TMEM273: variants seen among roughly 807,000 people sequenced by gnomAD.
The protein encoded by TMEM273 is chromosome 10 open reading frame 128.
A neutral mutation model predicts 17.9 loss-of-function variants in TMEM273; 19 were observed. That is an observed-to-expected ratio of 1.06 (90% CI 0.74 to 1.55). The LOEUF (loss-of-function observed/expected upper bound fraction) is 1.55. Ranked by LOEUF, TMEM273 falls within the 40% of genes most tolerant of loss-of-function variation. TMEM273 has a pLI of 0.00. For synonymous variants in TMEM273, 66 were observed against 62.0 expected (o/e 1.07, Z -0.31); for missense variants, 194 against 155.6 (o/e 1.25, Z -1.31).
chr10:49,159,408 T>A lies in TMEM273; in HGVS notation c.372+2191A>T, dbSNP rs1367946161. 2.0e-5 allele frequency among the ~76,000 whole-genome samples: 3 copies of A among 152,190 alleles called. No homozygotes were observed. The East Asian group carries it at 5.8e-4, about 29-fold the overall frequency. ...TTTACTGAGTGGGTCTATAGCTGCA[T>A]AGTGCTCTAATTTCTGGAGGCATTT... is the stretch of plus-strand genomic sequence containing the variant. On this transcript the variant is annotated intron_variant, in intron 6 of 6. Coordinates refer to ENST00000374153, the MANE Select transcript of TMEM273 (RefSeq NM_001288740.3).
chr10:49,182,330 T>C (rs573792972), intron 1 of TMEM273, among the ~76,000 whole-genome samples: 2 of 152,182 alleles, frequency 1.3e-5, no homozygotes, highest in South Asian at 2.1e-4. Context: ...AATAAAGTGA[T>C]GACTTTGACT....
chr10:49,161,867 C>T (rs1167942236), intron 5 of TMEM273, among the ~76,000 whole-genome samples: 2 of 152,142 alleles, frequency 1.3e-5, no homozygotes, highest in Admixed American at 1.3e-4. Context: ...CAGCTCCCTG[C>T]ACGTGGTGAG....
At chr10:49,166,165 G>A (rs530237959) in intron 3 of TMEM273, among the ~76,000 whole-genome samples, 11 of 152,140 alleles carry the variant, frequency 7.2e-5, no homozygotes, top group Non-Finnish European at 1.3e-4. Flanking sequence ...AGCACCCCAT[G>A]GAAAACTGCA....
chr10:49,166,876 G>T lies in TMEM273; in HGVS notation c.231C>A (p.Gly77=). 6.2e-7 allele frequency: 1 copy of T among 1,613,688 alleles called. No homozygotes were observed. ...GAGCACCACATCCCTCACCACTGAG[G>T]CCCCCAGGCGTGCTTTTCAGGTCGG... is the stretch of plus-strand genomic sequence containing the variant. ...DSSDLKSTPG[G]LSDTIPLKKR... is the part of the protein sequence containing the mutation. Residue 77 remains glycine (G), a synonymous_variant, in exon 3 of 7, where the codon GGC becomes GGA. Transcript: ENST00000374153.
intron 1 of TMEM273, among the ~76,000 whole-genome samples, chr10:49,172,050 G>A (rs1245282717): frequency 2.6e-5 from 4 of 152,226 alleles, no homozygotes; most frequent in Non-Finnish European, 4.4e-5. Context: ...TGCCCTAAGT[G>A]TTTGTCAATG....
intron 1 of TMEM273, among the ~76,000 whole-genome samples, chr10:49,175,746 C>T (rs984826741): frequency 6.6e-6 from 1 of 152,198 alleles, no homozygotes; most frequent in Non-Finnish European, 1.5e-5. Flanking sequence ...TCCATTCTGA[C>T]CAGGAGTGGT....
intron 5 of TMEM273, among the ~76,000 whole-genome samples, chr10:49,163,132 C>T (rs75939957): frequency 0.029 from 4,377 of 151,330 alleles, 214 homozygotes; most frequent in African/African-American, 0.098. Context: ...CCTCTTAGGG[C>T]GGGGGGAAGG....
At position 49,165,419 on chromosome 10, in the gene TMEM273, A is replaced by G; in HGVS notation, c.270-136T>C. ...CAGGGAAGCCCAGAAACCTGGGACA[A>G]ACCACGTGTGACCTCCCAAGTGACA... On this transcript the variant is annotated intron_variant, in intron 4 of 6. Transcript: ENST00000374153. 3 of 1,509,314 alleles carry G rather than the reference A, an allele frequency of 2.0e-6. No homozygotes were observed. The South Asian group carries it at 4.0e-5, about 20-fold the overall frequency. The allele number at this position is 1,509,314 out of a possible 1,614,324, so 93.5% of individuals were successfully genotyped here.
chr10:49,161,477 G>A, intron 6 of TMEM273, 122 bp downstream of exon 6: 1 of 1,269,388 alleles, frequency 7.9e-7, no homozygotes, highest in Non-Finnish European at 1.1e-6. Context: ...TCCTGGCCAT[G>A]CCATGGTTGC....
chr10:49,167,700 C>A, intron 2 of TMEM273, among the ~76,000 whole-genome samples: 1 of 152,342 alleles, frequency 6.6e-6, no homozygotes, highest in African/African-American at 2.4e-5. Context: ...TGAGGTATCA[C>A]GTCCCCTGTG....
chr10:49,161,511 G>A (rs1845838947), intron 6 of TMEM273, 88 bp downstream of exon 6: 1 of 1,567,082 alleles, frequency 6.4e-7, no homozygotes, highest in Admixed American at 1.7e-5. Context: ...CCAGGGGAGG[G>A]AGAGGTCATG....
chr10:49,188,086 T>G (rs1486781689), intron 1 of TMEM273, among the ~76,000 whole-genome samples: 1 of 152,230 alleles, frequency 6.6e-6, no homozygotes, highest in Non-Finnish European at 1.5e-5. Context: ...ACCCTTCCTA[T>G]TCTCCTTTAG....
chr10:49,187,475 G>A (rs1364698870), intron 1 of TMEM273, among the ~76,000 whole-genome samples: 1 of 152,194 alleles, frequency 6.6e-6, no homozygotes, highest in East Asian at 1.9e-4. Context: ...GCAAGTTCTG[G>A]GAAGGAACGT....
rs768602432 is a variant in TMEM273 at position 49,182,580 on chromosome 10, C to G, written c.43+5714G>C. 4.2e-4 allele frequency among the ~76,000 whole-genome samples: 64 copies of G among 152,068 alleles called. No homozygotes were observed. The Middle Eastern group carries it at 0.014, about 32-fold the overall frequency. On this transcript the variant is annotated intron_variant, in intron 1 of 6. Transcript: ENST00000374153. ...CAGAATTAAAACTGAGATAGATGGCCGACATTTTGGATGGAATTAGAGTCC... is the reference window on the plus strand; with the variant it reads ...CAGAATTAAAACTGAGATAGATGGCGGACATTTTGGATGGAATTAGAGTCC...
At chr10:49,157,204 G>T (rs1241339577) in intron 6 of TMEM273, among the ~76,000 whole-genome samples, 1 of 152,240 alleles carries the variant, frequency 6.6e-6, no homozygotes, top group East Asian at 1.9e-4. Context: ...AGCAGAAGAA[G>T]GGGCACTGCT....
At position 49,166,912 on chromosome 10, in the gene TMEM273, G is replaced by T. The variant is rs369394561; in HGVS notation, c.195C>A (p.Asp65Glu). 6.2e-7 allele frequency: 1 copy of T among 1,614,032 alleles called. No individual in the cohort carries two copies. Among genetic ancestry groups the T allele is most frequent in the South Asian group, 1.1e-5 (1 of 91,072 alleles). ...TGCTTTTCAGGTCGGAAGAGTCGTC[G>T]TCAAATAAGTGCCTCCTGATCATGC... ...KICMIRRHLF[D>E]DDSSDLKSTP... Residue 65 changes from aspartate to glutamate, a missense_variant, in exon 3 of 7, where the codon GAC becomes GAA. By Grantham distance (45) the Asp-to-Glu change is conservative. Coordinates refer to ENST00000374153, the MANE Select transcript of TMEM273 (RefSeq NM_001288740.3).
intron 6 of TMEM273, among the ~76,000 whole-genome samples, chr10:49,156,481 G>C (rs146208946): frequency 4.1e-4 from 62 of 152,338 alleles, no homozygotes; most frequent in African/African-American, 1.3e-3. Flanking sequence ...ACTGAAAGTA[G>C]GATGCAGACC....
intron 6 of TMEM273, among the ~76,000 whole-genome samples, chr10:49,156,592 G>A (rs1845525238): frequency 6.6e-6 from 1 of 152,174 alleles, no homozygotes; most frequent in South Asian, 2.1e-4. Flanking sequence ...TGGTATATAT[G>A]CTTACATTGA....
intron 1 of TMEM273, among the ~76,000 whole-genome samples, chr10:49,175,709 AG>A (rs977622960): frequency 2.0e-5 from 3 of 152,216 alleles, no homozygotes; most frequent in African/African-American, 7.2e-5. Context: ...CCAAGGGGGC[AG>A]GGCCCCCCCC....
Sources: allele counts gnomAD v4.1 joint callset (sites outside exome capture counted in the v4.1 genomes callset), GRCh38; gene constraint gnomAD v4.1.1; transcripts MANE v1.5; gene names NCBI Gene and HGNC (gene_info 2026-07-23, HGNC 2026-07-21).